Variants in KIF26B observed in about 807,000 individuals in gnomAD.
The protein encoded by KIF26B is kinesin-like protein KIF26B.
A neutral mutation model predicts 151.2 loss-of-function variants in KIF26B; 63 were observed. That is an observed-to-expected ratio of 0.42 (90% CI 0.34 to 0.51). The LOEUF (loss-of-function observed/expected upper bound fraction) is 0.51. Among genes scored for constraint, KIF26B ranks in the 20% least tolerant of loss-of-function variants. The pLI, the probability that KIF26B is intolerant of heterozygous loss-of-function variation, is 0.07. For synonymous variants in KIF26B, 1,357 were observed against 1,262.1 expected (o/e 1.08, Z -1.59); for missense variants, 2,813 against 2,913.6 (o/e 0.97, Z 0.79).
intron 3 of KIF26B, among the ~76,000 whole-genome samples, chr1:245,384,394 T>C (rs1460012507): frequency 6.6e-6 from 1 of 152,252 alleles, no homozygotes; most frequent in African/African-American, 2.4e-5. Flanking sequence ...ATAACATTCC[T>C]ATGAAGTAAA....
intron 4 of KIF26B, among the ~76,000 whole-genome samples, chr1:245,424,812 G>T (rs771831208): frequency 6.6e-6 from 1 of 152,168 alleles, no homozygotes; most frequent in Non-Finnish European, 1.5e-5. Context: ...GAGATGCACT[G>T]CTATAGAGAA....
chr1:245,454,425 C>T (rs1422200121), intron 4 of KIF26B, among the ~76,000 whole-genome samples: 2 of 152,274 alleles, frequency 1.3e-5, no homozygotes, highest in Middle Eastern at 3.4e-3. Flanking sequence ...AATGCACTCA[C>T]GGCTTCTCTG....
chr1:245,702,606 G>A lies in KIF26B; in HGVS notation c.6327G>A (p.Ter2109=), dbSNP rs757414604. The change falls in exon 15 of 15, where the codon TAG becomes TAA. Residue 2109 remains the stop codon, a stop_retained_variant. Transcript: ENST00000407071. This position sits in a 1 kb window ranked among gnomAD's most constrained non-coding sequence, Gnocchi z 4.1. ...TCFDITSRRR[*] ...TCGACATCACCTCCAGGCGCCGGTA[G>A]ATGAGCCAGACCCTTGTCCTAGTGG... 6 of 1,613,420 alleles carry A rather than the reference G, an allele frequency of 3.7e-6. No individual in the cohort carries two copies. The highest frequency in any genetic ancestry group is 5.1e-6 in the Non-Finnish European group (6 of 1,179,678).
chr1:245,648,181 C>T (rs2043973849), intron 10 of KIF26B, among the ~76,000 whole-genome samples: 1 of 152,158 alleles, frequency 6.6e-6, no homozygotes. Flanking sequence ...ACATATCTTA[C>T]TTATAGCTTT....
Position 245,536,031 on chromosome 1 carries a change from T to C in KIF26B, c.1167-4736T>C, listed in dbSNP as rs77892237. ...GTGTTCCAGGCACTGTGCTTGGGCCTTTATAAACATTATCAGAATTTAGGT... is the reference window on the plus strand; with the variant it reads ...GTGTTCCAGGCACTGTGCTTGGGCCCTTATAAACATTATCAGAATTTAGGT... On this transcript the variant is annotated intron_variant, in intron 4 of 14. Transcript: ENST00000407071. Among the ~76,000 whole-genome samples the C allele has an allele frequency of 3.0e-3, 460 of 152,310 alleles. 2 individuals carry two copies. Among genetic ancestry groups the C allele is most frequent in the African/African-American group, 0.01 (426 of 41,564 alleles).
intron 2 of KIF26B, among the ~76,000 whole-genome samples, chr1:245,265,201 CA>C (rs59716075): frequency 0.056 from 2,671 of 47,390 alleles, 9 homozygotes; most frequent in Middle Eastern, 0.081. Context: ...GACTCCATCT[CA>C]AAAAAAAAAA....
Position 245,540,617 on chromosome 1 carries a change from A to AG in KIF26B, c.1167-147dup, listed in dbSNP as rs1422012854. 1.3e-6 allele frequency: 1 copy of AG among 781,000 alleles called. No homozygotes were observed. Among genetic ancestry groups the AG allele is most frequent in the Admixed American group, 1.8e-5 (1 of 55,220 alleles). The allele number at this position is 781,000 out of a possible 1,614,324, so 48.4% of individuals were successfully genotyped here. ...TCGTTAACTTCACTCTGTTATAGTA[A>AG]GGGACTGCTACAGAGGACACTGAGC... is the stretch of plus-strand genomic sequence containing the variant. On this transcript the variant is annotated intron_variant, in intron 4 of 14. Coordinates refer to ENST00000407071, the MANE Select transcript of KIF26B (RefSeq NM_018012.4). This position sits in a 1 kb window ranked among gnomAD's most constrained non-coding sequence, Gnocchi z 4.6.
At chr1:245,490,445 G>T (rs897154087) in intron 4 of KIF26B, among the ~76,000 whole-genome samples, 3 of 151,388 alleles carry the variant, frequency 2.0e-5, no homozygotes, top group Non-Finnish European at 4.4e-5. Context: ...TTGAGTACCT[G>T]GGACTACAGG....
chr1:245,391,756 ATATT>A (rs1210116605), intron 3 of KIF26B, among the ~76,000 whole-genome samples: 3 of 152,258 alleles, frequency 2.0e-5, no homozygotes, highest in Non-Finnish European at 4.4e-5. Flanking sequence ...ATTTCATACA[ATATT>A]TATGCCAACA....
chr1:245,185,178 G>A (rs1041196464), intron 2 of KIF26B, among the ~76,000 whole-genome samples: 5 of 149,658 alleles, frequency 3.3e-5, no homozygotes, highest in East Asian at 1.9e-4. Flanking sequence ...TTGCTCTGTC[G>A]CCTAGGCTGG....
chr1:245,221,833 T>C (rs1478484935), intron 2 of KIF26B, among the ~76,000 whole-genome samples: 1 of 152,238 alleles, frequency 6.6e-6, no homozygotes, highest in Admixed American at 6.5e-5. Context: ...AATGTGATTG[T>C]TTTTATCCTT....
At chr1:245,661,176 G>T (rs955078657) in intron 10 of KIF26B, among the ~76,000 whole-genome samples, 1 of 151,862 alleles carries the variant, frequency 6.6e-6, no homozygotes, top group Non-Finnish European at 1.5e-5. Context: ...TAGTAGAGAT[G>T]GGGTTTTGCA....
chr1:245,535,668 C>T (rs558981897), intron 4 of KIF26B, among the ~76,000 whole-genome samples: 350 of 152,248 alleles, frequency 2.3e-3, no homozygotes, highest in African/African-American at 7.9e-3. Context: ...AGAGAAATGT[C>T]GCTTATACTT....
At chr1:245,222,858 C>G (rs989962399) in intron 2 of KIF26B, among the ~76,000 whole-genome samples, 9 of 152,226 alleles carry the variant, frequency 5.9e-5, no homozygotes, top group African/African-American at 9.6e-5. Context: ...AATAGCCTTT[C>G]TTAACCCAAT....
rs376834579 is a variant in KIF26B at position 245,316,236 on chromosome 1, C to G, written c.466-50598C>G. ...TCCCAGGTTCAAGCGATTCTCCTGC[C>G]TCAGCCTCCCAAGTAGATGGGATTA... On this transcript the variant is annotated intron_variant, in intron 2 of 14. Transcript: ENST00000407071. Among the ~76,000 whole-genome samples the G allele has an allele frequency of 2.2e-4, 33 of 152,044 alleles. 1 individual carries two copies. The East Asian group carries it at 3.1e-3, about 14-fold the overall frequency.
At chr1:245,622,774 C>A (rs964898971) in intron 9 of KIF26B, among the ~76,000 whole-genome samples, 1 of 152,142 alleles carries the variant, frequency 6.6e-6, no homozygotes, top group Admixed American at 6.6e-5. Context: ...AGATAGGGAT[C>A]CAGAGGCCTG....
intron 10 of KIF26B, among the ~76,000 whole-genome samples, chr1:245,678,646 G>C (rs546760397): frequency 2.1e-4 from 32 of 152,142 alleles, no homozygotes; most frequent in Middle Eastern, 3.4e-3. Flanking sequence ...GGAGGATCAC[G>C]AGGTCAGGAG....
intron 10 of KIF26B, among the ~76,000 whole-genome samples, chr1:245,672,775 T>C (rs1202669969): frequency 1.3e-5 from 2 of 152,188 alleles, no homozygotes; most frequent in Non-Finnish European, 2.9e-5. Flanking sequence ...CCTAGTCCTA[T>C]TTAACCTCCC....
At chr1:245,432,529 C>G (rs914532619) in intron 4 of KIF26B, among the ~76,000 whole-genome samples, 3 of 152,178 alleles carry the variant, frequency 2.0e-5, no homozygotes, top group Non-Finnish European at 4.4e-5. Context: ...GGCTCTCCAT[C>G]TTTTTCCTGT....
Sources: gnomAD v4.1 joint callset for allele counts (sites outside exome capture counted in the v4.1 genomes callset) on GRCh38, gnomAD v4.1.1 for gene constraint, Gnocchi (gnomAD v3.1) non-coding constraint, MANE v1.5 for transcripts, NCBI Gene and HGNC (gene_info 2026-07-23, HGNC 2026-07-21) for gene names.